Variants in IRAK4 observed in about 807,000 individuals in gnomAD.
The protein encoded by IRAK4 is interleukin-1 receptor-associated kinase 4.
A neutral mutation model predicts 51.8 loss-of-function variants in IRAK4; 44 were observed. The observed-to-expected ratio is 0.85, with a 90% CI of 0.67 to 1.09. The LOEUF (loss-of-function observed/expected upper bound fraction) is 1.09. Ranked by LOEUF, IRAK4 falls within the 50% of genes least tolerant of loss-of-function variation. IRAK4 has a pLI of 0.00. For synonymous variants in IRAK4, 149 were observed against 174.1 expected (o/e 0.86, Z 1.13); for missense variants, 487 against 538.0 (o/e 0.91, Z 0.94).
At position 43,759,398 on chromosome 12, in the gene IRAK4, T is replaced by C. The variant is rs4251567; in HGVS notation, c.-10+382T>C. The C allele has an allele frequency of 8.6e-3, 1,310 of 152,356 alleles. 7 individuals carry two copies. Among genetic ancestry groups the C allele is most frequent in the Non-Finnish European group, 0.014 (930 of 68,064 alleles). The allele number at this position is 152,356 out of a possible 1,614,324, so 9.4% of individuals were successfully genotyped here. On this transcript the variant is annotated intron_variant, in intron 1 of 11. Coordinates refer to ENST00000613694, the MANE Select transcript of IRAK4 (RefSeq NM_016123.4). ...GTCAGGCCAGCACCTGACAGATGCC[T>C]GTGGCGCCAGCAGCTCGCTGAGCCT...
chr12:43,777,607 G>C (rs560698399), intron 6 of IRAK4, 23 bp from the exon 7 acceptor site: 2 of 1,581,830 alleles, frequency 1.3e-6, no homozygotes, highest in Admixed American at 3.4e-5. Context: ...TAATAATTTT[G>C]CATGAAAAAT....
chr12:43,786,032 G>A (rs1297590892), intron 10 of IRAK4, among the ~76,000 whole-genome samples: 1 of 150,040 alleles, frequency 6.7e-6, no homozygotes, highest in Non-Finnish European at 1.5e-5. Flanking sequence ...TGTCCTGTAT[G>A]TCTTCAATTT....
rs1565666070 is a variant in IRAK4, at chr12:43,768,277, CAG to C, written c.161+7_161+8del. 2 of 1,598,002 alleles carry C rather than the reference CAG, an allele frequency of 1.3e-6. No individual in the cohort carries two copies. Among genetic ancestry groups the C allele is most frequent in the Admixed American group, 3.4e-5 (2 of 59,638 alleles). ...ATACAATCAGTTTCACATAAGGTAA[CAG>C]ATAAAATTCTTTGTATTTTTAAATT... is the stretch of plus-strand genomic sequence containing the variant. On this transcript the variant is annotated splice_donor_region_variant and intron_variant, in intron 2 of 11. Coordinates refer to ENST00000613694, the MANE Select transcript of IRAK4 (RefSeq NM_016123.4).
At chr12:43,777,435 C>T (rs1941381389) in intron 6 of IRAK4, among the ~76,000 whole-genome samples, 195 bp from the exon 7 acceptor site, 1 of 152,040 alleles carries the variant, frequency 6.6e-6, no homozygotes, top group Non-Finnish European at 1.5e-5. Context: ...TTAATACTGG[C>T]TGAAAAGAGA....
Position 43,782,340 on chromosome 12 carries a change from T to TA in IRAK4, c.979dup (p.Ile327AsnfsTer3), listed in dbSNP as rs1253116552. On this transcript the variant is annotated frameshift_variant, in exon 9 of 12. Transcript: ENST00000613694. LOFTEE classifies it high-confidence loss of function. ...TCTTACTGGATGAAGCTTTTACTGC[T>TA]AAAATATCTGACTTTGGCCTTGCAC... 6.2e-7 allele frequency: 1 copy of TA among 1,613,824 alleles called. No individual in the cohort carries two copies. The highest frequency in any genetic ancestry group is 8.5e-7 in the Non-Finnish European group (1 of 1,179,714).
intron 1 of IRAK4, 140 bp from the exon 2 acceptor site, chr12:43,767,963 C>T: frequency 1.6e-6 from 1 of 641,722 alleles, no homozygotes; most frequent in Middle Eastern, 4.2e-4. Flanking sequence ...ATATCAATGA[C>T]TTGACTTTGG....
intron 2 of IRAK4, chr12:43,771,003 C>A: frequency 1.5e-6 from 1 of 685,768 alleles, no homozygotes. Context: ...TGCACGTGTG[C>A]ATGCTCTTTT....
At chr12:43,772,466 CA>C (rs1940867905) in intron 4 of IRAK4, 104 bp downstream of exon 4, 1 of 970,658 alleles carries the variant, frequency 1.0e-6, no homozygotes, top group Non-Finnish European at 1.6e-6. Context: ...ATCACAGGCA[CA>C]CTGGCAATAG....
chr12:43,769,616 C>T (rs1407178504), intron 2 of IRAK4, among the ~76,000 whole-genome samples: 2 of 152,132 alleles, frequency 1.3e-5, no homozygotes, highest in Non-Finnish European at 2.9e-5. Context: ...CATGCCACTG[C>T]ACTCCAGCCT....
intron 8 of IRAK4, among the ~76,000 whole-genome samples, chr12:43,781,143 T>C (rs923307757): frequency 1.3e-5 from 2 of 152,202 alleles, no homozygotes; most frequent in African/African-American, 4.8e-5. Flanking sequence ...CACGTTCTCA[T>C]TCTCTATATC....
intron 1 of IRAK4, among the ~76,000 whole-genome samples, chr12:43,764,061 T>G (rs956844706): frequency 6.6e-5 from 10 of 152,194 alleles, no homozygotes; most frequent in Non-Finnish European, 1.0e-4. Context: ...ACTGTATATG[T>G]GTATATGCTC....
intron 5 of IRAK4, chr12:43,773,726 G>A (rs767207870): frequency 3.0e-6 from 1 of 332,954 alleles, no homozygotes; most frequent in African/African-American, 2.1e-5. Flanking sequence ...GAAATTTCGT[G>A]TTATTTCATT....
chr12:43,767,145 T>G (rs1940237487), intron 1 of IRAK4, among the ~76,000 whole-genome samples: 1 of 152,198 alleles, frequency 6.6e-6, no homozygotes, highest in Non-Finnish European at 1.5e-5. Flanking sequence ...GCAAAAATAA[T>G]TGACAGAAGA....
chr12:43,787,849 G>C lies in IRAK4; in HGVS notation c.*1134G>C, dbSNP rs1942312994. On this transcript the variant is annotated 3_prime_UTR_variant, in exon 12 of 12. Transcript: ENST00000613694. ...AGGCAGGCAGATCACCTGAGGTCAA[G>C]AGTTCAAGACCGGCCTGGCCAACAT... 1.3e-5 allele frequency: 2 copies of C among 152,538 alleles called. No homozygotes were observed. Among genetic ancestry groups the C allele is most frequent in the African/African-American group, 4.8e-5 (2 of 41,450 alleles). 9.4% of individuals were successfully genotyped at this position (152,538 alleles called of 1,614,324 possible).
intron 6 of IRAK4, 79 bp from the exon 7 acceptor site, chr12:43,777,551 A>T: frequency 7.5e-7 from 1 of 1,341,202 alleles, no homozygotes; most frequent in Non-Finnish European, 1.0e-6. Context: ...TTTTTCTATT[A>T]AAACTTTGAA....
intron 10 of IRAK4, among the ~76,000 whole-genome samples, chr12:43,783,976 T>G (rs1467454006): frequency 1.3e-5 from 2 of 152,176 alleles, no homozygotes; most frequent in Admixed American, 6.5e-5. Flanking sequence ...AGAATAGAAC[T>G]AAATGATTTC....
rs182322900 is a variant in IRAK4 at position 43,786,865 on chromosome 12, A to G, written c.*150A>G. ...TATTAAAGCATGGGTTGAACTTCCA[A>G]AATATAAAAATAGAGCCACCATATC... On this transcript the variant is annotated 3_prime_UTR_variant, in exon 12 of 12. Transcript: ENST00000613694. 50 of 670,162 alleles carry G rather than the reference A, an allele frequency of 7.5e-5. No individual in the cohort carries two copies. The African/African-American group carries it at 8.4e-4, about 11-fold the overall frequency. 41.5% of individuals were successfully genotyped at this position (670,162 alleles called of 1,614,324 possible).
rs1940358839 is a variant in IRAK4, at chr12:43,768,117, C to G, written c.6C>G (p.Asn2Lys). Residue 2 changes from asparagine to lysine, a missense_variant, in exon 2 of 12, where the codon AAC (asparagine) becomes AAG (lysine). Coordinates refer to ENST00000613694, the MANE Select transcript of IRAK4 (RefSeq NM_016123.4). The part of the protein sequence containing the change: M[N>K]KPITPSTYVR... Reference sequence around the variant, plus strand: ...CCATATTTTAGGAATAGAAGATGAACAAACCCATAACACCATCAACATATG... The same window carrying G: ...CCATATTTTAGGAATAGAAGATGAAGAAACCCATAACACCATCAACATATG... 1 of 1,613,170 alleles carries G rather than the reference C, an allele frequency of 6.2e-7. No homozygotes were observed. The highest frequency in any genetic ancestry group is 1.3e-5 in the African/African-American group (1 of 74,992).
In IRAK4 at chr12:43,775,185, A is replaced by G. The variant is rs151046693; in HGVS notation, c.716+1156A>G. On this transcript the variant is annotated intron_variant, in intron 6 of 11. Coordinates refer to ENST00000613694, the MANE Select transcript of IRAK4 (RefSeq NM_016123.4). ...TTGATTTATGCACGGTAAAAATGAT[A>G]CATGCTGAAAAAAGATCAAACTTTT... Among the ~76,000 whole-genome samples, 300 of 152,356 alleles carry G rather than the reference A, an allele frequency of 2.0e-3. 1 individual carries two copies. The highest frequency in any genetic ancestry group is 6.9e-3 in the African/African-American group (285 of 41,578).
Sources: allele counts gnomAD v4.1 joint callset (sites outside exome capture counted in the v4.1 genomes callset), GRCh38; gene constraint gnomAD v4.1.1; transcripts MANE v1.5; gene names NCBI Gene and HGNC (gene_info 2026-07-23, HGNC 2026-07-21).